SLC6A6: variants seen among roughly 807,000 people sequenced by gnomAD.
SLC6A6 encodes the protein sodium- and chloride-dependent taurine transporter.
In SLC6A6, 16 loss-of-function variants were observed where a neutral mutation model predicts 68.8. The ratio of observed to expected loss-of-function variants is 0.23; its 90% CI spans 0.16 to 0.35. The LOEUF is 0.35. Ranked by LOEUF, SLC6A6 falls within the 10% of genes least tolerant of loss-of-function variation. The probability of loss-of-function intolerance (pLI) is 1.00; values close to 1 mark genes in which losing one functional copy is unlikely to be tolerated. For synonymous variants in SLC6A6, 312 were observed against 315.4 expected, an observed-to-expected ratio of 0.99 and a Z score of 0.12; for missense variants, 474 against 802.8, an observed-to-expected ratio of 0.59 and a Z score of 4.95.
intron 2 of SLC6A6, among the ~76,000 whole-genome samples, chr3:14,420,959 C>T (rs892233723): frequency 2.6e-5 from 4 of 152,200 alleles, no homozygotes; most frequent in Non-Finnish European, 5.9e-5. Flanking sequence ...CGTCTTTACA[C>T]GTTGGTCTAA....
intron 2 of SLC6A6, among the ~76,000 whole-genome samples, chr3:14,428,356 A>C (rs1699648560): frequency 6.6e-6 from 1 of 152,228 alleles, no homozygotes; most frequent in Admixed American, 6.5e-5. Context: ...GATGCTCAGC[A>C]GGGCCTCGGC....
chr3:14,437,580 G>T (rs1027867091), intron 2 of SLC6A6, among the ~76,000 whole-genome samples: 1 of 152,080 alleles, frequency 6.6e-6, no homozygotes, highest in Non-Finnish European at 1.5e-5. Context: ...ATTAACTTAC[G>T]TATCACCTCG....
rs1426740742 is a variant in SLC6A6, at chr3:14,461,187, G to C, written c.732+3105G>C. On this transcript the variant is annotated intron_variant, in intron 6 of 14. Transcript: ENST00000622186. The stretch of plus-strand genomic sequence containing the variant: ...AACGGTGGCGAAAGCGCAGTAGCCT[G>C]TGAGTGCCGGGCAGCATTCTCAGTG... Among the ~76,000 whole-genome samples, 3 of 152,266 alleles carry C rather than the reference G, an allele frequency of 2.0e-5. No homozygotes were observed. In the East Asian group the frequency reaches 5.8e-4, roughly 29 times the overall value.
intron 3 of SLC6A6, chr3:14,444,129 C>T: frequency 2.4e-6 from 1 of 412,318 alleles, no homozygotes. Context: ...CTCCAGTTTG[C>T]CACCTCCAAA....
Position 14,472,991 on chromosome 3 carries a change from G to A in SLC6A6, c.1209+674G>A, listed in dbSNP as rs1156924636. 6.6e-6 allele frequency among the ~76,000 whole-genome samples: 1 copy of A among 152,204 alleles called. No homozygotes were observed. Among genetic ancestry groups the A allele is most frequent in the South Asian group, 2.1e-4 (1 of 4,834 alleles). ...AGGCAGGACTCCTGTCTCCACTGAG[G>A]TTCTTTCCTGCACTTCTAAACCCCG... On this transcript the variant is annotated intron_variant, in intron 10 of 14. Coordinates refer to ENST00000622186, the MANE Select transcript of SLC6A6 (RefSeq NM_003043.6). This position sits in a 1 kb window ranked among gnomAD's most constrained non-coding sequence, Gnocchi z 4.5.
At chr3:14,459,604 G>A (rs1449372467) in intron 6 of SLC6A6, among the ~76,000 whole-genome samples, 1 of 152,080 alleles carries the variant, frequency 6.6e-6, no homozygotes, top group Non-Finnish European at 1.5e-5. Flanking sequence ...CGGAACAGGC[G>A]GGAGCAGGGG....
chr3:14,459,544 G>C (rs1477591827), intron 6 of SLC6A6, among the ~76,000 whole-genome samples: 1 of 152,100 alleles, frequency 6.6e-6, no homozygotes, highest in East Asian at 1.9e-4. Flanking sequence ...AAGGGAAGCA[G>C]TCCAGGCCTT....
rs1001847089 is a variant in SLC6A6, at chr3:14,450,224, C to T, written c.599+2408C>T. Among the ~76,000 whole-genome samples, 3 of 152,012 alleles carry T rather than the reference C, an allele frequency of 2.0e-5. No homozygotes were observed. Among genetic ancestry groups the T allele is most frequent in the Non-Finnish European group, 4.4e-5 (3 of 68,008 alleles). On this transcript the variant is annotated intron_variant, in intron 5 of 14. Transcript: ENST00000622186. This position sits in a 1 kb window ranked among gnomAD's most constrained non-coding sequence, Gnocchi z 4.1. ...ACCCAGGGGTCTTAGAGAGGGAACA[C>T]TTGGGAGCAATGTGAGGTCCTCAGG...
chr3:14,409,301 A>C (rs147558697), intron 1 of SLC6A6, among the ~76,000 whole-genome samples: 1 of 152,248 alleles, frequency 6.6e-6, no homozygotes, highest in African/African-American at 2.4e-5. Context: ...CTGCCAGCTC[A>C]GTAAATGAAA....
chr3:14,474,898 C>T (rs1483986932), intron 10 of SLC6A6, among the ~76,000 whole-genome samples: 1 of 152,240 alleles, frequency 6.6e-6, no homozygotes, highest in African/African-American at 2.4e-5. Flanking sequence ...ATCAGGGGTT[C>T]CTACCATTGG....
At chr3:14,475,812 T>C (rs1414593546) in intron 10 of SLC6A6, among the ~76,000 whole-genome samples, 2 of 152,208 alleles carry the variant, frequency 1.3e-5, no homozygotes, top group African/African-American at 2.4e-5. Context: ...GGCAGACACA[T>C]GAGTCAGAGG....
intron 14 of SLC6A6, among the ~76,000 whole-genome samples, chr3:14,482,609 G>A (rs1255533999): frequency 1.3e-5 from 2 of 152,142 alleles, no homozygotes; most frequent in South Asian, 2.1e-4. Context: ...GATGTCCTGG[G>A]GCCCTGGCTC....
chr3:14,471,858 GGCTTT>G (rs1240329548), intron 9 of SLC6A6, among the ~76,000 whole-genome samples: 1 of 152,236 alleles, frequency 6.6e-6, no homozygotes, highest in Non-Finnish European at 1.5e-5. Context: ...TCCACTCAAT[GGCTTT>G]GCTTTGGGGT....
Position 14,477,101 on chromosome 3 carries a change from C to A in SLC6A6, c.1210-104C>A. On this transcript the variant is annotated intron_variant, in intron 10 of 14. Transcript: ENST00000622186. The surrounding 1 kb of genome is among the most constrained non-coding windows in gnomAD (Gnocchi z 4.2). The stretch of plus-strand genomic sequence containing the variant: ...CCAATTCTGGACACAAGGATGGTCA[C>A]GTCTGCTCCTGCATTGTGTGTTCCT... 9.4e-7 allele frequency: 1 copy of A among 1,065,828 alleles called. No homozygotes were observed. The highest frequency in any genetic ancestry group is 1.4e-5 in the South Asian group (1 of 69,388). The allele number at this position is 1,065,828 out of a possible 1,614,324, so 66.0% of individuals were successfully genotyped here.
Position 14,468,035 on chromosome 3 carries a change from G to C in SLC6A6, c.972-53G>C. 1 of 1,612,460 alleles carries C rather than the reference G, an allele frequency of 6.2e-7. No homozygotes were observed. Among genetic ancestry groups the C allele is most frequent in the Non-Finnish European group, 8.5e-7 (1 of 1,178,602 alleles). On this transcript the variant is annotated intron_variant, in intron 8 of 14. Transcript: ENST00000622186. The surrounding 1 kb of genome is among the most constrained non-coding windows in gnomAD (Gnocchi z 4.5). ...TTAAAGAAAAAGAGAAGTAGGGAGC[G>C]TGGCTTCCTTGTGTTGTGAATTAAC...
chr3:14,402,934 G>A lies in SLC6A6; in HGVS notation c.-54+87G>A. On this transcript the variant is annotated intron_variant, in intron 1 of 14. Transcript: ENST00000622186. This position sits in a 1 kb window ranked among gnomAD's most constrained non-coding sequence, Gnocchi z 4.8. ...CCATCCCCGCGTCGCCGCAGTCCCG[G>A]CCTCCTCCCCTCCGCGTGCGCCCAT... 5.2e-6 allele frequency: 2 copies of A among 385,262 alleles called. No homozygotes were observed. Among genetic ancestry groups the A allele is most frequent in the Admixed American group, 4.5e-5 (1 of 22,244 alleles). 23.9% of individuals were successfully genotyped at this position (385,262 alleles called of 1,614,324 possible).
At chr3:14,413,748 G>C (rs1699303935) in intron 1 of SLC6A6, among the ~76,000 whole-genome samples, 1 of 152,138 alleles carries the variant, frequency 6.6e-6, no homozygotes, top group African/African-American at 2.4e-5. Context: ...CCTTGCCCGT[G>C]ATAACTAGAG....
rs1045777623 is a variant in SLC6A6 at position 14,481,539 on chromosome 3, G to A, written c.1552-132G>A. ...GGGATCCTTATGGCAGCAGAGAGGG[G>A]TGTGAGTTCTGAGCCAGTCCTTTCC... On this transcript the variant is annotated intron_variant, in intron 13 of 14. Transcript: ENST00000622186. The surrounding 1 kb of genome is among the most constrained non-coding windows in gnomAD (Gnocchi z 4.7). 1.7e-5 allele frequency: 11 copies of A among 646,248 alleles called. No individual in the cohort carries two copies. Among genetic ancestry groups the A allele is most frequent in the Non-Finnish European group, 2.7e-5 (10 of 365,382 alleles). The allele number at this position is 646,248 out of a possible 1,614,324, so 40.0% of individuals were successfully genotyped here.
At chr3:14,451,988 C>A (rs1454496490) in intron 5 of SLC6A6, among the ~76,000 whole-genome samples, 2 of 152,210 alleles carry the variant, frequency 1.3e-5, no homozygotes, top group Admixed American at 1.3e-4. Context: ...CTGGCCCGTC[C>A]TTTCCTTCAG....
Sources: gnomAD v4.1 joint callset for allele counts (sites outside exome capture counted in the v4.1 genomes callset) on GRCh38, gnomAD v4.1.1 for gene constraint, Gnocchi (gnomAD v3.1) non-coding constraint, MANE v1.5 for transcripts, NCBI Gene and HGNC (gene_info 2026-07-23, HGNC 2026-07-21) for gene names.